Variants in LAT2 observed in about 807,000 individuals in gnomAD.
The protein encoded by LAT2 is linker for activation of T cells family member 2, also known as linker for activation of T-cells family member 2.
LAT2 carries 23 observed loss-of-function variants against 43.4 expected under a neutral mutation model. The ratio of observed to expected loss-of-function variants is 0.53; its 90% CI spans 0.38 to 0.75. LAT2 has a LOEUF of 0.75. LAT2 is among the 30% of genes least tolerant of loss of function. The pLI is 0.00. For synonymous variants in LAT2, 128 were observed against 123.2 expected (o/e 1.04, Z -0.26); for missense variants, 284 against 310.2 (o/e 0.92, Z 0.64).
At chr7:74,224,814 G>C (rs1802425950) in intron 13 of LAT2, 54 bp downstream of exon 13, 3 of 1,283,448 alleles carry the variant, frequency 2.3e-6, no homozygotes, top group South Asian at 1.5e-5. Flanking sequence ...GTCTTGCCAA[G>C]CTGCAGGACC....
At chr7:74,223,104 AC>A (rs1316422385) in intron 10 of LAT2, among the ~76,000 whole-genome samples, 1 of 151,808 alleles carries the variant, frequency 6.6e-6, no homozygotes, top group Non-Finnish European at 1.5e-5. Context: ...ATAGAGATGA[AC>A]CCCTGAGGCT....
At chr7:74,222,279 TAATC>T (rs1302987172) in intron 10 of LAT2, among the ~76,000 whole-genome samples, 5 of 147,754 alleles carry the variant, frequency 3.4e-5, no homozygotes, top group African/African-American at 1.2e-4. Flanking sequence ...CACATGCCTG[TAATC>T]CCAGCTACTT....
chr7:74,221,917 T>G (rs1315890005), intron 10 of LAT2, among the ~76,000 whole-genome samples: 9 of 115,570 alleles, frequency 7.8e-5, no homozygotes, highest in South Asian at 2.7e-4. Flanking sequence ...GAGAGAGGAG[T>G]GGGCCACAGG....
intron 1 of LAT2, among the ~76,000 whole-genome samples, chr7:74,210,593 C>T (rs1554713003): frequency 6.6e-6 from 1 of 152,014 alleles, no homozygotes; most frequent in Non-Finnish European, 1.5e-5. Context: ...CCTCCTGCAC[C>T]CGCCCGCCTC....
At chr7:74,223,481 C>G (rs534227889) in intron 10 of LAT2, among the ~76,000 whole-genome samples, 2 of 152,008 alleles carry the variant, frequency 1.3e-5, no homozygotes, top group South Asian at 2.1e-4. Flanking sequence ...AGAGCAAGAC[C>G]GTCTCAACAA....
At chr7:74,216,896 A>C in intron 4 of LAT2, 32 bp downstream of exon 4, 1 of 1,598,410 alleles carries the variant, frequency 6.3e-7, no homozygotes, top group Non-Finnish European at 8.6e-7. Context: ...AGCCTGGTGT[A>C]TTCATGTGCC....
chr7:74,220,768 C>T lies in LAT2; in HGVS notation c.332+34C>T. The T allele has an allele frequency of 2.0e-6, 3 of 1,464,178 alleles. No individual in the cohort carries two copies. The highest frequency in any genetic ancestry group is 9.1e-7 in the Non-Finnish European group (1 of 1,099,696). 90.7% of individuals were successfully genotyped at this position (1,464,178 alleles called of 1,614,324 possible). On this transcript the variant is annotated intron_variant, in intron 9 of 13. Transcript: ENST00000460943. This position sits in a 1 kb window ranked among gnomAD's most constrained non-coding sequence, Gnocchi z 4.5. ...CCTTGATCCTGTCCCCCCTGCCTCGCCTCTCCCCCTGCCCCACCTCTCCCC... is the reference window on the plus strand; with the variant it reads ...CCTTGATCCTGTCCCCCCTGCCTCGTCTCTCCCCCTGCCCCACCTCTCCCC...
chr7:74,223,871 C>A (rs1802384108), intron 11 of LAT2, 88 bp downstream of exon 11: 2 of 1,490,410 alleles, frequency 1.3e-6, no homozygotes, highest in Admixed American at 1.7e-5. Flanking sequence ...TGCTCAAAGG[C>A]CGCCCCCACT....
chr7:74,224,848 AGTGT>A, intron 13 of LAT2, 88 bp downstream of exon 13: 4 of 1,011,736 alleles, frequency 4.0e-6, no homozygotes, highest in Non-Finnish European at 5.7e-6. Flanking sequence ...AACAGCCGAG[AGTGT>A]GGGTGGAGGG....
intron 12 of LAT2, 144 bp from the exon 13 acceptor site, chr7:74,224,495 G>A (rs1554715780): frequency 5.5e-6 from 4 of 732,134 alleles, no homozygotes; most frequent in African/African-American, 1.7e-5. Flanking sequence ...CCCAGAGACA[G>A]GACAGACACA....
chr7:74,222,654 A>G (rs112067111), intron 10 of LAT2, among the ~76,000 whole-genome samples: 3,811 of 150,262 alleles, frequency 0.025, 168 homozygotes, highest in African/African-American at 0.087. Flanking sequence ...GTTCACTGCA[A>G]CCTCCGCCTC....
chr7:74,212,670 A>G (rs1429145688), intron 1 of LAT2, among the ~76,000 whole-genome samples: 3 of 151,978 alleles, frequency 2.0e-5, no homozygotes, highest in Non-Finnish European at 4.4e-5. Context: ...AGTTGCTCCA[A>G]CCTCACAAGC....
At chr7:74,224,506 C>A in intron 12 of LAT2, 133 bp from the exon 13 acceptor site, 1 of 765,438 alleles carries the variant, frequency 1.3e-6, no homozygotes, top group Non-Finnish European at 2.2e-6. Context: ...GACAGACACA[C>A]ACCGCCAGGA....
chr7:74,228,242 T>C (rs1368005215), intron 13 of LAT2, among the ~76,000 whole-genome samples: 2 of 131,530 alleles, frequency 1.5e-5, no homozygotes, highest in Admixed American at 8.2e-5. Context: ...TTTGGGAGGC[T>C]GAGGCGGGCG....
chr7:74,225,074 C>T (rs1802437485), intron 13 of LAT2: 1 of 213,956 alleles, frequency 4.7e-6, no homozygotes, highest in Admixed American at 5.2e-5. Flanking sequence ...TAGTTCCTCA[C>T]TTGGTGCCCA....
chr7:74,213,486 A>G (rs1187891239), intron 1 of LAT2, among the ~76,000 whole-genome samples: 3 of 129,438 alleles, frequency 2.3e-5, no homozygotes, highest in South Asian at 2.5e-4. Flanking sequence ...GTGCAGTGGC[A>G]TGATCTCGGC....
chr7:74,220,272 G>A lies in LAT2; in HGVS notation c.265+18G>A, dbSNP rs1554714964. ...CCTGGAGGGTGAGTGGCACAGGGCA[G>A]GGACAGGGACAGGCCTAGCCAAGCT... On this transcript the variant is annotated intron_variant, in intron 7 of 13. Transcript: ENST00000460943. The surrounding 1 kb of genome is among the most constrained non-coding windows in gnomAD (Gnocchi z 4.5). The A allele has an allele frequency of 2.5e-6, 4 of 1,608,560 alleles. No individual in the cohort carries two copies. In the Admixed American group the frequency reaches 6.7e-5, roughly 27 times the overall value.
chr7:74,220,097 C>A lies in LAT2; in HGVS notation c.227+89C>A. Reference sequence around the variant, plus strand: ...CCAGGTCAAGACCTCCCTCCCTCCCCGAGTCCCAGAGCTCCAGGGCTCAGC... The same window carrying A: ...CCAGGTCAAGACCTCCCTCCCTCCCAGAGTCCCAGAGCTCCAGGGCTCAGC... On this transcript the variant is annotated intron_variant, in intron 6 of 13. Transcript: ENST00000460943. The surrounding 1 kb of genome is among the most constrained non-coding windows in gnomAD (Gnocchi z 4.5). 6.4e-7 allele frequency: 1 copy of A among 1,566,034 alleles called. No individual in the cohort carries two copies. The highest frequency in any genetic ancestry group is 1.1e-5 in the South Asian group (1 of 87,168).
At chr7:74,219,511 G>T (rs1554714714) in intron 4 of LAT2, among the ~76,000 whole-genome samples, 1 of 152,248 alleles carries the variant, frequency 6.6e-6, no homozygotes. Flanking sequence ...CCGGGCTCCA[G>T]CCCAGGGCCC....
Sources: gnomAD v4.1 joint callset for allele counts (sites outside exome capture counted in the v4.1 genomes callset) on GRCh38, gnomAD v4.1.1 for gene constraint, Gnocchi (gnomAD v3.1) non-coding constraint, MANE v1.5 for transcripts, NCBI Gene and HGNC (gene_info 2026-07-23, HGNC 2026-07-21) for gene names.